The following NELL1 variants were observed in gnomAD, a reference collection of about 807,000 sequenced individuals.
The protein encoded by NELL1 is neural EGFL like 1, also known as protein kinase C-binding protein NELL1.
NELL1 carries 76 observed loss-of-function variants against 107.4 expected under a neutral mutation model. The ratio of observed to expected loss-of-function variants is 0.71; its 90% CI spans 0.59 to 0.86. NELL1 has a LOEUF of 0.86. NELL1 is among the 40% of genes least tolerant of loss of function. NELL1 has a pLI of 0.00. For synonymous variants in NELL1, 353 were observed against 341.2 expected, an observed-to-expected ratio of 1.03 and a Z score of -0.38; for missense variants, 1,024 against 1,005.5, an observed-to-expected ratio of 1.02 and a Z score of -0.25.
intron 12 of NELL1, among the ~76,000 whole-genome samples, chr11:21,025,859 C>T (rs1300270852): frequency 6.6e-6 from 1 of 152,188 alleles, no homozygotes; most frequent in Admixed American, 6.5e-5. Flanking sequence ...CCCAAACCTG[C>T]ATCTTCTTTA....
intron 15 of NELL1, among the ~76,000 whole-genome samples, chr11:21,526,746 C>G (rs572206194): frequency 6.6e-6 from 1 of 152,284 alleles, no homozygotes; most frequent in South Asian, 2.1e-4. Flanking sequence ...CTGAGCTATA[C>G]ACTGGCCCCT....
chr11:21,380,423 A>G (rs1851581802), intron 15 of NELL1, among the ~76,000 whole-genome samples: 1 of 152,092 alleles, frequency 6.6e-6, no homozygotes. Flanking sequence ...GAAGAGAGGC[A>G]TCAAACTAGA....
At chr11:21,164,015 G>GA (rs1422713700) in intron 13 of NELL1, among the ~76,000 whole-genome samples, 5 of 152,090 alleles carry the variant, frequency 3.3e-5, no homozygotes, top group Admixed American at 6.6e-5. Flanking sequence ...TGCCCATAGA[G>GA]AAAAAAGTCA....
chr11:21,188,894 A>G (rs1419311700), intron 13 of NELL1, among the ~76,000 whole-genome samples: 1 of 151,860 alleles, frequency 6.6e-6, no homozygotes, highest in African/African-American at 2.4e-5. Context: ...ACCATATTGG[A>G]CCCATCATTG....
intron 15 of NELL1, among the ~76,000 whole-genome samples, chr11:21,523,587 T>C (rs1245502268): frequency 6.6e-6 from 1 of 152,180 alleles, no homozygotes; most frequent in Non-Finnish European, 1.5e-5. Flanking sequence ...CTTTGCTGAT[T>C]ACCTGACTGG....
intron 12 of NELL1, among the ~76,000 whole-genome samples, chr11:21,086,442 G>A (rs1854393660): frequency 1.3e-5 from 2 of 152,154 alleles, no homozygotes; most frequent in South Asian, 4.1e-4. Context: ...GGGGTAGGTA[G>A]CATTGGTAGA....
At chr11:21,414,469 T>C (rs1045104366) in intron 15 of NELL1, among the ~76,000 whole-genome samples, 2 of 152,076 alleles carry the variant, frequency 1.3e-5, no homozygotes, top group South Asian at 4.1e-4. Context: ...ATAGAAAGTC[T>C]CTTCATTGAC....
intron 5 of NELL1, among the ~76,000 whole-genome samples, chr11:20,896,496 G>C (rs1050587741): frequency 5.3e-5 from 8 of 152,106 alleles, no homozygotes; most frequent in African/African-American, 1.9e-4. Flanking sequence ...ACCCAGTAGT[G>C]GGATTGCTGG....
intron 2 of NELL1, among the ~76,000 whole-genome samples, chr11:20,697,744 A>G (rs1227939278): frequency 6.6e-6 from 1 of 152,136 alleles, no homozygotes. Context: ...AGTGTTCAAG[A>G]AAGAAATTTC....
intron 4 of NELL1, among the ~76,000 whole-genome samples, chr11:20,879,066 G>A (rs1347065007): frequency 6.6e-6 from 1 of 152,112 alleles, no homozygotes; most frequent in Non-Finnish European, 1.5e-5. Flanking sequence ...CTCCAGACCC[G>A]GAAGATAATT....
In NELL1 at chr11:21,281,447, G is replaced by A. The variant is rs564097240; in HGVS notation, c.1549+51993G>A. On this transcript the variant is annotated intron_variant, in intron 14 of 19. Transcript: ENST00000357134. ...GACTCCAGTCCCTGGCTCCTGGATG[G>A]CACCTCTGTACCCAACCAGGGCCTG... Among the ~76,000 whole-genome samples, 3 of 152,238 alleles carry A rather than the reference G, an allele frequency of 2.0e-5. No individual in the cohort carries two copies. In the South Asian group the frequency reaches 6.2e-4, roughly 32 times the overall value.
intron 7 of NELL1, among the ~76,000 whole-genome samples, chr11:20,923,796 T>G (rs752998690): frequency 6.6e-5 from 10 of 152,254 alleles, no homozygotes; most frequent in Non-Finnish European, 7.3e-5. Context: ...TTTCATTGTT[T>G]TGAGGAATTC....
At chr11:21,559,409 G>T (rs1323596823) in intron 16 of NELL1, among the ~76,000 whole-genome samples, 3 of 152,110 alleles carry the variant, frequency 2.0e-5, no homozygotes, top group Non-Finnish European at 2.9e-5. Flanking sequence ...GGTTGGACAG[G>T]TTTGTGTTTG....
intron 15 of NELL1, among the ~76,000 whole-genome samples, chr11:21,523,216 T>C (rs1855772172): frequency 6.6e-6 from 1 of 152,116 alleles, no homozygotes; most frequent in African/African-American, 2.4e-5. Context: ...ACATGGAATA[T>C]CTTTCCCCAT....
At chr11:21,316,091 A>T (rs534696569) in intron 14 of NELL1, among the ~76,000 whole-genome samples, 1 of 152,300 alleles carries the variant, frequency 6.6e-6, no homozygotes, top group African/African-American at 2.4e-5. Flanking sequence ...TGTCAAAAAT[A>T]TGTTGACTTA....
chr11:21,449,731 GAA>G (rs1853531617), intron 15 of NELL1, among the ~76,000 whole-genome samples: 1 of 152,140 alleles, frequency 6.6e-6, no homozygotes, highest in Non-Finnish European at 1.5e-5. Context: ...TGCAGCTGGG[GAA>G]AGATATAGAT....
At chr11:21,137,713 G>A (rs1307389562) in intron 13 of NELL1, among the ~76,000 whole-genome samples, 1 of 152,214 alleles carries the variant, frequency 6.6e-6, no homozygotes, top group African/African-American at 2.4e-5. Context: ...CATCATTTCA[G>A]GCAGGCAGCA....
In NELL1 at chr11:21,507,838, C is replaced by T. The variant is rs1313468157; in HGVS notation, c.1646-26536C>T. 8.7e-5 allele frequency among the ~76,000 whole-genome samples: 13 copies of T among 150,226 alleles called. No homozygotes were observed. In the East Asian group the frequency reaches 1.6e-3, roughly 18 times the overall value. ...ACTCTGTCACCAGGCTGGAGTGCGGCGGCGTGATCTCAGCTCAGTGCAACC... is the reference window on the plus strand; with the variant it reads ...ACTCTGTCACCAGGCTGGAGTGCGGTGGCGTGATCTCAGCTCAGTGCAACC... On this transcript the variant is annotated intron_variant, in intron 15 of 19. Coordinates refer to ENST00000357134, the MANE Select transcript of NELL1 (RefSeq NM_006157.5).
chr11:21,213,453 C>T lies in NELL1; in HGVS notation c.1427-15879C>T, dbSNP rs539275206. 1.2e-4 allele frequency among the ~76,000 whole-genome samples: 18 copies of T among 151,988 alleles called. No homozygotes were observed. The South Asian group carries it at 3.1e-3, about 26-fold the overall frequency. On this transcript the variant is annotated intron_variant, in intron 13 of 19. Transcript: ENST00000357134. ...AATATTAAGGATTTTTTTATAGATA[C>T]TGTAATCAATTGAATCAATTGAATT...
Sources: gnomAD v4.1 joint callset for allele counts (sites outside exome capture counted in the v4.1 genomes callset) on GRCh38, gnomAD v4.1.1 for gene constraint, MANE v1.5 for transcripts, NCBI Gene and HGNC (gene_info 2026-07-23, HGNC 2026-07-21) for gene names.